Variants in ZZZ3 observed in about 807,000 individuals in gnomAD.
ZZZ3 encodes zinc finger ZZ-type containing 3, also known as ZZ-type zinc finger-containing protein 3.
ZZZ3 carries 22 observed loss-of-function variants against 95.2 expected under a neutral mutation model. The ratio of observed to expected loss-of-function variants is 0.23; its 90% CI spans 0.17 to 0.33. ZZZ3 has a LOEUF of 0.33. Among genes scored for constraint, ZZZ3 ranks in the 10% least tolerant of loss-of-function variants. ZZZ3 has a pLI of 1.00. For synonymous variants in ZZZ3, 335 were observed against 358.9 expected (o/e 0.93, Z 0.75); for missense variants, 885 against 1,066.5 (o/e 0.83, Z 2.37).
At chr1:77,593,934 A>G (rs1457858355) in intron 5 of ZZZ3, among the ~76,000 whole-genome samples, 2 of 152,156 alleles carry the variant, frequency 1.3e-5, no homozygotes, top group Non-Finnish European at 2.9e-5. Context: ...GACAAAATGG[A>G]TAATTGCAAA....
At chr1:77,627,467 A>G (rs1667437317) in intron 5 of ZZZ3, among the ~76,000 whole-genome samples, 1 of 152,180 alleles carries the variant, frequency 6.6e-6, no homozygotes, top group Non-Finnish European at 1.5e-5. Flanking sequence ...TAGACTCTCA[A>G]TAAGTAAATC....
chr1:77,622,064 A>T (rs1452138175), intron 5 of ZZZ3, among the ~76,000 whole-genome samples: 3 of 149,016 alleles, frequency 2.0e-5, no homozygotes, highest in African/African-American at 7.5e-5. Context: ...TAATCCCAAC[A>T]CTTTGGGAGG....
chr1:77,582,239 A>G (rs1662598545), intron 6 of ZZZ3, 113 bp from the exon 7 acceptor site: 1 of 824,356 alleles, frequency 1.2e-6, no homozygotes, highest in Non-Finnish European at 1.8e-6. Context: ...TCAATGGGGC[A>G]TTTCTATTCA....
At chr1:77,669,604 C>T (rs1557780195) in intron 1 of ZZZ3, among the ~76,000 whole-genome samples, 1 of 151,796 alleles carries the variant, frequency 6.6e-6, no homozygotes, top group East Asian at 1.9e-4. Flanking sequence ...ATTACAGGCA[C>T]CCACCACCAT....
At chr1:77,625,142 T>TTTTAGTG (rs1667225235) in intron 5 of ZZZ3, among the ~76,000 whole-genome samples, 1 of 152,206 alleles carries the variant, frequency 6.6e-6, no homozygotes, top group Admixed American at 6.5e-5. Flanking sequence ...AAAGCTAAGC[T>TTTTAGTG]TCAATTAGTG....
chr1:77,648,280 T>C (rs1020192518), intron 1 of ZZZ3, among the ~76,000 whole-genome samples: 3 of 144,382 alleles, frequency 2.1e-5, no homozygotes, highest in African/African-American at 2.6e-5. Context: ...ACCCAGGAGG[T>C]TGAGGCTGCA....
intron 1 of ZZZ3, among the ~76,000 whole-genome samples, chr1:77,645,920 G>A (rs544158431): frequency 8.2e-5 from 12 of 145,770 alleles, no homozygotes; most frequent in Admixed American, 5.5e-4. Context: ...GCAGTGAGCC[G>A]AGATCACACC....
At chr1:77,670,806 A>C (rs1464602321) in intron 1 of ZZZ3, among the ~76,000 whole-genome samples, 1 of 151,932 alleles carries the variant, frequency 6.6e-6, no homozygotes, top group Non-Finnish European at 1.5e-5. Context: ...CTATGAAGGA[A>C]GGGCTGTCAT....
chr1:77,588,711 C>G lies in ZZZ3; in HGVS notation c.1506-4056G>C, dbSNP rs1570439341. Among the ~76,000 whole-genome samples the G allele has an allele frequency of 2.0e-5, 3 of 150,924 alleles. 1 individual carries two copies. The East Asian group carries it at 5.9e-4, about 30-fold the overall frequency. ...TGAACCAAGCAAGAGAATAGAATAA[C>G]TCAAAAAAAAAATTACACATATTTT... On this transcript the variant is annotated intron_variant, in intron 5 of 14. Coordinates refer to ENST00000370801, the MANE Select transcript of ZZZ3 (RefSeq NM_015534.6).
At chr1:77,640,964 T>C (rs1459372242) in intron 3 of ZZZ3, 2 of 152,064 alleles carry the variant, frequency 1.3e-5, no homozygotes, top group Admixed American at 6.6e-5. Flanking sequence ...GGTAGGAAAA[T>C]TGTCTAATAA....
intron 5 of ZZZ3, among the ~76,000 whole-genome samples, chr1:77,609,920 G>A (rs1665616487): frequency 6.6e-6 from 1 of 151,834 alleles, no homozygotes; most frequent in African/African-American, 2.4e-5. Flanking sequence ...AGGTATCAGT[G>A]CCAACATAAA....
chr1:77,656,099 T>C (rs1202917004), intron 1 of ZZZ3, among the ~76,000 whole-genome samples: 2 of 152,242 alleles, frequency 1.3e-5, no homozygotes, highest in African/African-American at 2.4e-5. Flanking sequence ...GATCCATCTA[T>C]ATATTTAATT....
chr1:77,675,183 G>C (rs1403648970), intron 1 of ZZZ3, among the ~76,000 whole-genome samples: 1 of 152,028 alleles, frequency 6.6e-6, no homozygotes, highest in Non-Finnish European at 1.5e-5. Flanking sequence ...ACACCCCTTT[G>C]CCAGGAGAAA....
At chr1:77,610,504 G>A (rs1038450183) in intron 5 of ZZZ3, among the ~76,000 whole-genome samples, 6 of 151,118 alleles carry the variant, frequency 4.0e-5, no homozygotes, top group Non-Finnish European at 7.4e-5. Flanking sequence ...ACAAAGACAC[G>A]TTAAAAAAAG....
In ZZZ3 at chr1:77,565,914, T is replaced by C. The variant is rs116261279; in HGVS notation, c.2568-130A>G. ...ATCAAAATCTCCAACGGAAAGTTAC[T>C]TGACATGTGGTATGATTACAGAAAA... On this transcript the variant is annotated intron_variant, in intron 14 of 14. Coordinates refer to ENST00000370801, the MANE Select transcript of ZZZ3 (RefSeq NM_015534.6). 1,107 of 1,172,428 alleles carry C rather than the reference T, an allele frequency of 9.4e-4. 10 individuals are homozygous for C. The African/African-American group carries it at 0.016, about 17-fold the overall frequency. 72.6% of individuals were successfully genotyped at this position (1,172,428 alleles called of 1,614,324 possible).
At chr1:77,682,150 G>C (rs1211344749) in intron 1 of ZZZ3, among the ~76,000 whole-genome samples, 1 of 152,172 alleles carries the variant, frequency 6.6e-6, no homozygotes, top group African/African-American at 2.4e-5. Context: ...AAGTCAGGGT[G>C]ATGAGTAAAT....
chr1:77,589,475 T>G (rs1663449504), intron 5 of ZZZ3, among the ~76,000 whole-genome samples: 1 of 151,734 alleles, frequency 6.6e-6, no homozygotes, highest in Non-Finnish European at 1.5e-5. Context: ...AGTCTCACGC[T>G]CACCCAGGTT....
chr1:77,582,880 TG>T (rs1662669843), intron 6 of ZZZ3, among the ~76,000 whole-genome samples: 4 of 152,038 alleles, frequency 2.6e-5, no homozygotes, highest in Admixed American at 2.6e-4. Context: ...CCAAGGCTGG[TG>T]GATCACTTCG....
intron 1 of ZZZ3, among the ~76,000 whole-genome samples, chr1:77,643,829 C>T (rs1191360508): frequency 6.6e-6 from 1 of 152,116 alleles, no homozygotes; most frequent in African/African-American, 2.4e-5. Flanking sequence ...CAAAGTTAAG[C>T]ACAATCCCTA....
Sources: allele counts gnomAD v4.1 joint callset (sites outside exome capture counted in the v4.1 genomes callset), GRCh38; gene constraint gnomAD v4.1.1; transcripts MANE v1.5; gene names NCBI Gene and HGNC (gene_info 2026-07-23, HGNC 2026-07-21).